The following USH2A variants were observed in gnomAD, a reference collection of about 807,000 sequenced individuals.
USH2A encodes Usher syndrome 2A (autosomal recessive, mild).
A neutral mutation model predicts 538.9 loss-of-function variants in USH2A; 443 were observed. The ratio of observed to expected loss-of-function variants is 0.82; its 90% CI spans 0.76 to 0.89. USH2A has a LOEUF of 0.89. Ranked by LOEUF, USH2A falls within the 40% of genes least tolerant of loss-of-function variation. The pLI, the probability that USH2A is intolerant of heterozygous loss-of-function variation, is 0.00. For synonymous variants in USH2A, 2,413 were observed against 2,273.5 expected, an observed-to-expected ratio of 1.06 and a Z score of -1.75; for missense variants, 6,633 against 6,324.8, an observed-to-expected ratio of 1.05 and a Z score of -1.65.
chr1:215,838,198 C>T, intron 46 of USH2A, 95 bp from the exon 47 acceptor site: 1 of 1,001,262 alleles, frequency 1.0e-6, no homozygotes, highest in Non-Finnish European at 1.6e-6. Context: ...TCACATGAAT[C>T]TCTTGTATTT....
chr1:215,843,858 A>T (rs1358630440), intron 46 of USH2A, among the ~76,000 whole-genome samples: 2 of 152,162 alleles, frequency 1.3e-5, no homozygotes, highest in East Asian at 3.9e-4. Context: ...ACAAAAGAGG[A>T]AATTGACACC....
chr1:216,018,855 G>A (rs972039197), intron 32 of USH2A, among the ~76,000 whole-genome samples: 51 of 151,694 alleles, frequency 3.4e-4, no homozygotes, highest in Admixed American at 3.2e-3. Flanking sequence ...CTTTTTGGAT[G>A]TGCCTGTTTA....
At position 215,729,158 on chromosome 1, in the gene USH2A, T is replaced by C. The variant is rs566007493; in HGVS notation, c.11712-774A>G. Among the ~76,000 whole-genome samples the C allele has an allele frequency of 2.6e-5, 4 of 152,310 alleles. No individual in the cohort carries two copies. The East Asian group carries it at 7.7e-4, about 29-fold the overall frequency. Reference sequence around the variant, plus strand: ...TGCACATTGAGGATGATCCTTTTGCTGCTCTTAGGACCATAAAATTACTGT... The same window carrying C: ...TGCACATTGAGGATGATCCTTTTGCCGCTCTTAGGACCATAAAATTACTGT... On this transcript the variant is annotated intron_variant, in intron 60 of 71. Transcript: ENST00000307340.
intron 64 of USH2A, 52 bp from the exon 65 acceptor site, chr1:215,650,853 G>GAAAAAAAAAAAAAA: frequency 1.6e-6 from 2 of 1,232,024 alleles, no homozygotes; most frequent in Non-Finnish European, 2.2e-6. Context: ...CTAAGGCTGG[G>GAAAAAAAAAAAAAA]AAAAAAAAAA....
chr1:216,270,075 A>C lies in USH2A; in HGVS notation c.1972-18977T>G, dbSNP rs113615675. Among the ~76,000 whole-genome samples, 1,500 of 152,234 alleles carry C rather than the reference A, an allele frequency of 9.9e-3. 23 individuals are homozygous for C. Among genetic ancestry groups the C allele is most frequent in the African/African-American group, 0.034 (1,407 of 41,554 alleles). Reference sequence around the variant, plus strand: ...AATAAATTAGATGAACACAGTTTTTATCAGTGATTATCTAATAGTCACTAT... The same window carrying C: ...AATAAATTAGATGAACACAGTTTTTCTCAGTGATTATCTAATAGTCACTAT... On this transcript the variant is annotated intron_variant, in intron 11 of 71. Transcript: ENST00000307340.
At chr1:215,777,513 T>C (rs551892185) in intron 55 of USH2A, among the ~76,000 whole-genome samples, 21 of 152,220 alleles carry the variant, frequency 1.4e-4, no homozygotes, top group South Asian at 4.1e-4. Flanking sequence ...GCTGGTACAG[T>C]CTTAATGTGC....
At chr1:215,887,584 A>C (rs1479958701) in intron 41 of USH2A, among the ~76,000 whole-genome samples, 1 of 152,228 alleles carries the variant, frequency 6.6e-6, no homozygotes, top group Non-Finnish European at 1.5e-5. Context: ...AAAGACTTTT[A>C]AAAATAGCTT....
intron 47 of USH2A, among the ~76,000 whole-genome samples, chr1:215,836,565 A>ATTTTTTT (rs71159886): frequency 3.0e-5 from 1 of 32,868 alleles, no homozygotes; most frequent in African/African-American, 9.2e-5. Flanking sequence ...ATATATATAT[A>ATTTTTTT]TTTTTTTTTG....
intron 21 of USH2A, among the ~76,000 whole-genome samples, chr1:216,172,614 A>G (rs556215828): frequency 6.6e-6 from 1 of 152,232 alleles, no homozygotes; most frequent in South Asian, 2.1e-4. Flanking sequence ...ACTTCAGCCC[A>G]TTTCACATAA....
chr1:215,758,456 T>G, intron 58 of USH2A, 139 bp downstream of exon 58: 1 of 1,032,904 alleles, frequency 9.7e-7, no homozygotes, highest in Non-Finnish European at 1.4e-6. Flanking sequence ...GAAGTGTGGT[T>G]TAGATTTTTC....
intron 37 of USH2A, among the ~76,000 whole-genome samples, chr1:215,938,800 A>G (rs1190124630): frequency 6.6e-6 from 1 of 152,048 alleles, no homozygotes; most frequent in Non-Finnish European, 1.5e-5. Flanking sequence ...TGGGGGTCTC[A>G]CTTAGCTCTT....
At chr1:216,366,589 C>CA (rs2038602269) in intron 3 of USH2A, among the ~76,000 whole-genome samples, 1 of 151,648 alleles carries the variant, frequency 6.6e-6, no homozygotes, top group Non-Finnish European at 1.5e-5. Context: ...ATGTCCCCCC[C>CA]CAAAAAAACA....
intron 31 of USH2A, among the ~76,000 whole-genome samples, chr1:216,047,895 G>A (rs757075031): frequency 2.6e-5 from 4 of 152,152 alleles, no homozygotes; most frequent in Non-Finnish European, 4.4e-5. Context: ...CTTGAGCAAA[G>A]CTTTCACTTT....
chr1:216,295,518 G>T (rs2037087185), intron 9 of USH2A, among the ~76,000 whole-genome samples: 1 of 151,788 alleles, frequency 6.6e-6, no homozygotes, highest in Non-Finnish European at 1.5e-5. Flanking sequence ...TGAATGATCA[G>T]AAAATTCTCA....
intron 30 of USH2A, among the ~76,000 whole-genome samples, chr1:216,059,445 T>A (rs2102536551): frequency 6.6e-6 from 1 of 152,342 alleles, no homozygotes; most frequent in Non-Finnish European, 1.5e-5. Flanking sequence ...TCTTTGTCAA[T>A]GACTGGGAAA....
intron 3 of USH2A, among the ~76,000 whole-genome samples, chr1:216,389,034 C>T (rs2039053866): frequency 6.6e-6 from 1 of 151,918 alleles, no homozygotes; most frequent in Non-Finnish European, 1.5e-5. Flanking sequence ...AGAATAAAAC[C>T]ATTAAAGGCA....
intron 21 of USH2A, among the ~76,000 whole-genome samples, chr1:216,148,374 C>A (rs955731649): frequency 1.3e-5 from 2 of 151,830 alleles, no homozygotes. Context: ...TATCTCATTG[C>A]CGCCCTTCTT....
Position 216,196,541 on chromosome 1 carries a change from A to C in USH2A, c.4251+12T>G, listed in dbSNP as rs922504735. The C allele has an allele frequency of 3.1e-6, 5 of 1,613,030 alleles. No individual in the cohort carries two copies. In the African/African-American group the frequency reaches 5.3e-5, roughly 17 times the overall value. The stretch of plus-strand genomic sequence containing the variant: ...CCAATTCTGAAAGGACATTAGTTAA[A>C]AATAACAATACCTGTGAAAACGCCA... On this transcript the variant is annotated intron_variant, in intron 19 of 71. Coordinates refer to ENST00000307340, the MANE Select transcript of USH2A (RefSeq NM_206933.4).
intron 35 of USH2A, 52 bp downstream of exon 35, chr1:215,992,968 A>G: frequency 1.2e-6 from 2 of 1,612,924 alleles, no homozygotes; most frequent in Non-Finnish European, 1.7e-6. Flanking sequence ...TAGAATATTA[A>G]TTTACCTTTG....
Sources: allele counts gnomAD v4.1 joint callset (sites outside exome capture counted in the v4.1 genomes callset), GRCh38; gene constraint gnomAD v4.1.1; transcripts MANE v1.5; gene names NCBI Gene and HGNC (gene_info 2026-07-23, HGNC 2026-07-21).